Variants in CNBD1 observed in about 807,000 individuals in gnomAD.
CNBD1 encodes cyclic nucleotide binding domain containing 1.
A neutral mutation model predicts 54.4 loss-of-function variants in CNBD1; 71 were observed. That is an observed-to-expected ratio of 1.30 (90% CI 1.08 to 1.59). The LOEUF (loss-of-function observed/expected upper bound fraction) is 1.59, where lower values mean the gene tolerates loss of function less well. CNBD1 is among the 40% of genes most tolerant of loss of function. CNBD1 has a pLI of 0.00. For synonymous variants in CNBD1, 182 were observed against 170.7 expected (o/e 1.07, Z -0.51); for missense variants, 659 against 518.0 (o/e 1.27, Z -2.64).
chr8:87,058,897 C>A (rs1810482403), intron 4 of CNBD1, among the ~76,000 whole-genome samples: 1 of 152,158 alleles, frequency 6.6e-6, no homozygotes, highest in Non-Finnish European at 1.5e-5. Flanking sequence ...TTGAATTTCT[C>A]CCCAGAAAAT....
At chr8:87,385,045 G>T (rs974049614), downstream of CNBD1, among the ~76,000 whole-genome samples, 6 of 152,122 alleles carry the variant, frequency 3.9e-5, no homozygotes, top group Admixed American at 2.6e-4. Context: ...TAATCACTTG[G>T]GTTCTATATG....
chr8:87,100,353 A>C (rs2130692150), intron 4 of CNBD1, among the ~76,000 whole-genome samples: 1 of 152,310 alleles, frequency 6.6e-6, no homozygotes, highest in African/African-American at 2.4e-5. Flanking sequence ...AACAGGCAAA[A>C]ACTAAAGAGC....
At chr8:87,428,131 CA>C (rs1466113408) in intron 2 of CNBD1, among the ~76,000 whole-genome samples, 2 of 119,392 alleles carry the variant, frequency 1.7e-5, no homozygotes, top group African/African-American at 3.3e-5. Flanking sequence ...GATCCTCCCC[CA>C]ACCAAAAAAA....
chr8:87,331,371 G>T (rs774342726), intron 8 of CNBD1, among the ~76,000 whole-genome samples: 8 of 152,160 alleles, frequency 5.3e-5, no homozygotes, highest in Non-Finnish European at 8.8e-5. Flanking sequence ...TTTCATCAAA[G>T]TCCCTGCAAA....
At position 86,935,004 on chromosome 8, in the gene CNBD1, G is replaced by GGTTT. The variant is rs139683366; in HGVS notation, c.273-4579_273-4576dup. The stretch of plus-strand genomic sequence containing the variant: ...TTTTGTATTTTTCTGGAAGCATTTG[G>GGTTT]GTTTGTTTGTTTGTTTATTTATTTA... On this transcript the variant is annotated intron_variant, in intron 3 of 10. Coordinates refer to ENST00000518476, the MANE Select transcript of CNBD1 (RefSeq NM_173538.3). Among the ~76,000 whole-genome samples, 523 of 150,346 alleles carry GGTTT rather than the reference G, an allele frequency of 3.5e-3. 4 individuals are homozygous for GGTTT. The highest frequency in any genetic ancestry group is 8.5e-3 in the African/African-American group (346 of 40,748).
At chr8:87,192,256 G>T (rs1431586126) in intron 4 of CNBD1, among the ~76,000 whole-genome samples, 3 of 151,940 alleles carry the variant, frequency 2.0e-5, no homozygotes, top group Non-Finnish European at 4.4e-5. Flanking sequence ...GTGATTTGTT[G>T]TACTTTCTTC....
At chr8:86,935,727 A>G (rs1048669991) in intron 3 of CNBD1, among the ~76,000 whole-genome samples, 3 of 152,104 alleles carry the variant, frequency 2.0e-5, no homozygotes, top group African/African-American at 7.2e-5. Flanking sequence ...TATTACTCTA[A>G]CAATTTTTAT....
intron 4 of CNBD1, among the ~76,000 whole-genome samples, chr8:86,990,418 A>G (rs1361379824): frequency 6.6e-6 from 1 of 152,142 alleles, no homozygotes; most frequent in Admixed American, 6.5e-5. Flanking sequence ...ATGGACATAC[A>G]GTTTTCCCAA....
chr8:87,351,109 A>G (rs1810281475), intron 8 of CNBD1, among the ~76,000 whole-genome samples: 2 of 152,146 alleles, frequency 1.3e-5, no homozygotes, highest in Non-Finnish European at 2.9e-5. Flanking sequence ...TTTCCATTTT[A>G]AAGATGAAAA....
At chr8:86,890,858 T>A (rs1808757989) in intron 2 of CNBD1, among the ~76,000 whole-genome samples, 1 of 148,560 alleles carries the variant, frequency 6.7e-6, no homozygotes, top group South Asian at 2.1e-4. Context: ...GCATTTGTTA[T>A]TTTTTTTTTC....
intron 4 of CNBD1, among the ~76,000 whole-genome samples, chr8:87,001,528 C>T (rs114901951): frequency 0.011 from 1,622 of 152,154 alleles, 30 homozygotes; most frequent in African/African-American, 0.037. Flanking sequence ...TCTTTTTACG[C>T]TGTATTTGAG....
intron 4 of CNBD1, among the ~76,000 whole-genome samples, chr8:87,071,867 T>C (rs577178473): frequency 6.6e-6 from 1 of 152,252 alleles, no homozygotes; most frequent in Admixed American, 6.5e-5. Context: ...AATATCTTTG[T>C]TAATTTTCTG....
At chr8:87,340,214 C>T (rs1229688341) in intron 8 of CNBD1, among the ~76,000 whole-genome samples, 3 of 152,230 alleles carry the variant, frequency 2.0e-5, no homozygotes, top group East Asian at 1.9e-4. Flanking sequence ...TTCTTCTGAC[C>T]TTCAATGTTT....
At chr8:86,989,298 C>CAAAT (rs143428723) in intron 4 of CNBD1, among the ~76,000 whole-genome samples, 7,053 of 65,792 alleles carry the variant, frequency 0.11, 314 homozygotes, top group East Asian at 0.36. Flanking sequence ...CATCTCAAAA[C>CAAAT]AAATAAATAC....
At chr8:87,428,295 C>G (rs1419214856) in intron 2 of CNBD1, among the ~76,000 whole-genome samples, 1 of 152,046 alleles carries the variant, frequency 6.6e-6, no homozygotes, top group Non-Finnish European at 1.5e-5. Flanking sequence ...ATGTTAAGTA[C>G]TAAACAATTT....
At chr8:87,259,932 C>T (rs946555681) in intron 6 of CNBD1, among the ~76,000 whole-genome samples, 5 of 152,084 alleles carry the variant, frequency 3.3e-5, no homozygotes, top group South Asian at 2.1e-4. Context: ...TTGAACTTTA[C>T]GAAAGGTAAC....
chr8:87,223,031 T>A (rs1248806184), intron 5 of CNBD1, among the ~76,000 whole-genome samples: 1 of 149,806 alleles, frequency 6.7e-6, no homozygotes, highest in African/African-American at 2.4e-5. Context: ...AAATCAGTAT[T>A]GTTTCCTTAT....
At chr8:87,203,330 GT>G (rs1342817111) in intron 4 of CNBD1, among the ~76,000 whole-genome samples, 1 of 152,010 alleles carries the variant, frequency 6.6e-6, no homozygotes, top group African/African-American at 2.4e-5. Flanking sequence ...TTGTATATGT[GT>G]TTATATATGT....
At chr8:87,315,104 A>C (rs1676739153) in intron 8 of CNBD1, among the ~76,000 whole-genome samples, 1 of 151,678 alleles carries the variant, frequency 6.6e-6, no homozygotes, top group South Asian at 2.1e-4. Flanking sequence ...TAGTGGACAG[A>C]TTAATTGAAG....
Sources: gnomAD v4.1 joint callset for allele counts (sites outside exome capture counted in the v4.1 genomes callset) on GRCh38, gnomAD v4.1.1 for gene constraint, MANE v1.5 for transcripts, NCBI Gene and HGNC (gene_info 2026-07-23, HGNC 2026-07-21) for gene names.